RIPOR2: variants seen among roughly 807,000 people sequenced by gnomAD.
The protein encoded by RIPOR2 is rho family-interacting cell polarization regulator 2.
A neutral mutation model predicts 114.5 loss-of-function variants in RIPOR2; 39 were observed. The ratio of observed to expected loss-of-function variants is 0.34; its 90% CI spans 0.26 to 0.44. The LOEUF (loss-of-function observed/expected upper bound fraction) is 0.44, where lower values mean the gene tolerates loss of function less well. RIPOR2 is among the 20% of genes least tolerant of loss of function. The pLI is 1.00. For synonymous variants in RIPOR2, 445 were observed against 484.4 expected (o/e 0.92, Z 1.07); for missense variants, 1,007 against 1,255.1 (o/e 0.80, Z 2.99).
At chr6:25,017,365 T>C (rs1268978472) in intron 1 of RIPOR2, among the ~76,000 whole-genome samples, 1 of 152,208 alleles carries the variant, frequency 6.6e-6, no homozygotes, top group Non-Finnish European at 1.5e-5. Flanking sequence ...AGCTCGGTTG[T>C]TTGCCACAGT....
At position 24,865,120 on chromosome 6, in the gene RIPOR2, T is replaced by C. The variant is rs896607741; in HGVS notation, c.651+181A>G. On this transcript the variant is annotated intron_variant, in intron 7 of 21. Coordinates refer to ENST00000643898, the MANE Select transcript of RIPOR2 (RefSeq NM_001286445.3). ...ATGCCGCCACTCCCAGCTTATTCAT[T>C]CATTTTAAGCAATTCTACCGATTGC... is the stretch of plus-strand genomic sequence containing the variant. Among the ~76,000 whole-genome samples, 6 of 152,210 alleles carry C rather than the reference T, an allele frequency of 3.9e-5. No homozygotes were observed. In the South Asian group the frequency reaches 6.2e-4, roughly 16 times the overall value.
intron 1 of RIPOR2, among the ~76,000 whole-genome samples, chr6:24,965,726 A>T (rs1479283689): frequency 6.6e-6 from 1 of 152,226 alleles, no homozygotes; most frequent in Non-Finnish European, 1.5e-5. Context: ...AAAATCTAGA[A>T]AAAGAAAAGC....
At chr6:24,920,262 T>C (rs1008909737) in intron 1 of RIPOR2, among the ~76,000 whole-genome samples, 2 of 152,228 alleles carry the variant, frequency 1.3e-5, no homozygotes, top group African/African-American at 4.8e-5. Context: ...GCTGAAATTC[T>C]ATGAATGTAT....
intron 1 of RIPOR2, among the ~76,000 whole-genome samples, chr6:24,893,784 T>A (rs942497843): frequency 2.6e-5 from 4 of 152,200 alleles, no homozygotes; most frequent in Non-Finnish European, 5.9e-5. Flanking sequence ...TCAGGGAACC[T>A]TAGATTTTGC....
intron 1 of RIPOR2, among the ~76,000 whole-genome samples, chr6:24,957,283 T>C (rs6913176): frequency 0.059 from 9,017 of 152,296 alleles, 546 homozygotes; most frequent in Middle Eastern, 0.17. Flanking sequence ...TTCTTGGTGA[T>C]TTACAAATAT....
chr6:24,941,402 T>C (rs1772127430), intron 1 of RIPOR2, among the ~76,000 whole-genome samples: 1 of 151,960 alleles, frequency 6.6e-6, no homozygotes, highest in Admixed American at 6.6e-5. Context: ...ATAAAGGCAC[T>C]GGTTCTGGGA....
chr6:25,040,060 A>G (rs1165178785), intron 1 of RIPOR2, among the ~76,000 whole-genome samples: 1 of 152,082 alleles, frequency 6.6e-6, no homozygotes, highest in Non-Finnish European at 1.5e-5. Flanking sequence ...CACATAAGGA[A>G]GAGTTGCCAA....
intron 1 of RIPOR2, among the ~76,000 whole-genome samples, chr6:24,951,726 T>C (rs1028896818): frequency 6.6e-6 from 1 of 152,206 alleles, no homozygotes; most frequent in Non-Finnish European, 1.5e-5. Context: ...AAAGGTTTGG[T>C]GAGAAAAAGA....
At chr6:24,863,340 C>T (rs940816702) in intron 7 of RIPOR2, among the ~76,000 whole-genome samples, 9 of 152,174 alleles carry the variant, frequency 5.9e-5, no homozygotes, top group African/African-American at 2.2e-4. Flanking sequence ...GTTTAAATTG[C>T]ACTCTATGTC....
intron 1 of RIPOR2, among the ~76,000 whole-genome samples, chr6:25,033,874 T>C (rs193143880): frequency 4.2e-4 from 64 of 152,220 alleles, no homozygotes; most frequent in Non-Finnish European, 1.8e-4. Context: ...TTTTTTTTGG[T>C]TTTTTGACTG....
chr6:24,925,469 C>T (rs908955942), intron 1 of RIPOR2, among the ~76,000 whole-genome samples: 22 of 152,016 alleles, frequency 1.4e-4, no homozygotes, highest in African/African-American at 4.1e-4. Flanking sequence ...TTTGGGAAGC[C>T]GAGGTGGGTG....
rs1038062308 is a variant in RIPOR2, at chr6:25,037,347, G to C, written c.76+4504C>G. Among the ~76,000 whole-genome samples, 1 of 152,092 alleles carries C rather than the reference G, an allele frequency of 6.6e-6. No individual in the cohort carries two copies. The highest frequency in any genetic ancestry group is 2.4e-5 in the African/African-American group (1 of 41,418). On this transcript the variant is annotated intron_variant, in intron 1 of 13. Transcript: ENST00000510784. This position sits in a 1 kb window ranked among gnomAD's most constrained non-coding sequence, Gnocchi z 4.5. ...CAGACTAAAGGAAAGAAAGGCTCTCGGGGCATTCAGTTATCTGTGCCCACC... is the reference window on the plus strand; with the variant it reads ...CAGACTAAAGGAAAGAAAGGCTCTCCGGGCATTCAGTTATCTGTGCCCACC...
intron 9 of RIPOR2, among the ~76,000 whole-genome samples, chr6:24,851,545 C>T (rs1482235773): frequency 2.0e-5 from 3 of 152,104 alleles, no homozygotes; most frequent in South Asian, 4.1e-4. Flanking sequence ...ACACCCTCAC[C>T]CCCTGCTAAG....
intron 20 of RIPOR2, among the ~76,000 whole-genome samples, chr6:24,818,063 A>G (rs1759326621): frequency 6.7e-6 from 1 of 148,556 alleles, no homozygotes; most frequent in Admixed American, 7.0e-5. Flanking sequence ...TCCTGGGTTC[A>G]AGCAATTCTC....
At chr6:24,995,651 T>G (rs1228809883) in intron 1 of RIPOR2, among the ~76,000 whole-genome samples, 8 of 152,238 alleles carry the variant, frequency 5.3e-5, no homozygotes, top group African/African-American at 1.9e-4. Flanking sequence ...AGGTACCTCT[T>G]ATATGTTCTC....
chr6:24,807,919 G>A (rs1562207242), intron 21 of RIPOR2, among the ~76,000 whole-genome samples: 1 of 152,238 alleles, frequency 6.6e-6, no homozygotes, highest in East Asian at 1.9e-4. Flanking sequence ...AGAGAAAAAT[G>A]TGCCAGTATT....
At chr6:24,918,832 G>A (rs757806382) in intron 1 of RIPOR2, among the ~76,000 whole-genome samples, 2 of 152,062 alleles carry the variant, frequency 1.3e-5, no homozygotes, top group Non-Finnish European at 2.9e-5. Context: ...TCATACTCCT[G>A]CTCCTAGGCT....
At chr6:24,863,278 CAAATGAGGTA>C (rs1764264445) in intron 7 of RIPOR2, among the ~76,000 whole-genome samples, 1 of 152,064 alleles carries the variant, frequency 6.6e-6, no homozygotes, top group Admixed American at 6.6e-5. Flanking sequence ...CACCTGATAC[CAAATGAGGTA>C]TGAGGCTACA....
chr6:24,840,712 C>A, intron 13 of RIPOR2: 4 of 1,535,352 alleles, frequency 2.6e-6, no homozygotes. Flanking sequence ...TCTCATTCAC[C>A]CTCAGTGATC....
Sources: gnomAD v4.1 joint callset for allele counts (sites outside exome capture counted in the v4.1 genomes callset) on GRCh38, gnomAD v4.1.1 for gene constraint, Gnocchi (gnomAD v3.1) non-coding constraint, MANE v1.5 for transcripts, NCBI Gene and HGNC (gene_info 2026-07-23, HGNC 2026-07-21) for gene names.